Variants in LGALS8 observed in about 807,000 individuals in gnomAD.
The protein encoded by LGALS8 is galectin-8.
Under a neutral mutation model 35.9 loss-of-function variants are expected in LGALS8, and 30 were observed. The observed-to-expected ratio is 0.83, with a 90% confidence interval of 0.62 to 1.13. The LOEUF (loss-of-function observed/expected upper bound fraction) is 1.13, where lower values mean the gene tolerates loss of function less well. Among genes scored for constraint, LGALS8 ranks in the 50% most tolerant of loss-of-function variants. LGALS8 has a pLI of 0.00. For synonymous variants in LGALS8, 138 were observed against 136.1 expected (o/e 1.01, Z -0.10); for missense variants, 366 against 388.7 (o/e 0.94, Z 0.49).
chr1:236,547,849 T>G (rs1662479160), intron 9 of LGALS8, among the ~76,000 whole-genome samples, 163 bp from the exon 10 acceptor site: 1 of 136,128 alleles, frequency 7.3e-6, no homozygotes, highest in South Asian at 2.3e-4. Flanking sequence ...CCAGGGACAC[T>G]TTAGTTAGAT....
chr1:236,534,573 G>T (rs1386043998), intron 2 of LGALS8, among the ~76,000 whole-genome samples: 2 of 151,416 alleles, frequency 1.3e-5, no homozygotes, highest in African/African-American at 4.9e-5. Context: ...TGGGTTAAAT[G>T]AGTCAGCGGC....
rs369174648 is a variant in LGALS8 at position 236,540,671 on chromosome 1, T to G, written c.453T>G (p.Phe151Leu). 44 of 1,608,972 alleles carry G rather than the reference T, an allele frequency of 2.7e-5. 4 individuals carry two copies. The highest frequency in any genetic ancestry group is 1.9e-4 in the Admixed American group (11 of 59,032). The change falls in exon 5 of 10, where the codon TTT becomes TTG. Residue 151 changes from phenylalanine (F) to leucine (L), a missense_variant. Physicochemically the swap from Phe to Leu is conservative, Grantham distance 22 (BLOSUM62 0). Transcript: ENST00000366584. ...AAGTGAATATTCACTCAATTGGTTT[T>G]AGCTTCAGCTCGGTGAGTGACCTTC... ...YGKVNIHSIG[F>L]SFSSDLQSTQ... is the part of the protein sequence containing the mutation.
intron 9 of LGALS8, chr1:236,545,195 G>A (rs1238780425): frequency 1.6e-5 from 4 of 245,376 alleles, no homozygotes; most frequent in South Asian, 8.5e-5. Context: ...CAGGAAGCTT[G>A]TCTCAGGACT....
intron 2 of LGALS8, among the ~76,000 whole-genome samples, chr1:236,534,388 G>C (rs819428): frequency 0.93 from 141,882 of 152,204 alleles, 66,466 homozygotes; most frequent in East Asian, 1. Context: ...GGTGTTTTGG[G>C]AAATAACAGC....
intron 9 of LGALS8, among the ~76,000 whole-genome samples, chr1:236,547,393 C>G (rs1662435049): frequency 6.6e-6 from 1 of 152,122 alleles, no homozygotes; most frequent in African/African-American, 2.4e-5. Flanking sequence ...TACGGGATAC[C>G]CAGCTTTGAC....
Position 236,550,677 on chromosome 1 carries a change from A to G in LGALS8, c.*2516A>G, listed in dbSNP as rs1662687418. 1 of 460,376 alleles carries G rather than the reference A, an allele frequency of 2.2e-6. No homozygotes were observed. Among genetic ancestry groups the G allele is most frequent in the Admixed American group, 3.8e-5 (1 of 25,976 alleles). 28.5% of individuals were successfully genotyped at this position (460,376 alleles called of 1,614,324 possible). A position where few individuals can be genotyped will look rare whatever the true frequency, so the allele number is the denominator to read the frequency against. On this transcript the variant is annotated 3_prime_UTR_variant, in exon 10 of 10. Transcript: ENST00000366584. The stretch of plus-strand genomic sequence containing the variant: ...CAAACACAGCAGTCTGTATAAAAAT[A>G]CCGTGTATCATTTACTCTTTCTGCA...
intron 2 of LGALS8, among the ~76,000 whole-genome samples, chr1:236,531,843 G>T (rs1661167741): frequency 2.0e-5 from 3 of 152,144 alleles, no homozygotes. Flanking sequence ...AGTTGTACTT[G>T]TGCCTATGAT....
chr1:236,545,931 G>A (rs976980699), intron 9 of LGALS8, among the ~76,000 whole-genome samples: 2 of 152,152 alleles, frequency 1.3e-5, no homozygotes, highest in Admixed American at 6.5e-5. Flanking sequence ...GGCGCAAAGG[G>A]TGACTTGGGG....
At chr1:236,522,759 A>G (rs1558151975), upstream of LGALS8, among the ~76,000 whole-genome samples, 1 of 152,208 alleles carries the variant, frequency 6.6e-6, no homozygotes, top group Non-Finnish European at 1.5e-5. Flanking sequence ...GACAGCTATA[A>G]ATCCAAGGCA....
chr1:236,543,301 G>GT, intron 7 of LGALS8: 1 of 643,510 alleles, frequency 1.6e-6, no homozygotes, highest in Non-Finnish European at 2.8e-6. Context: ...CCTTCCTGGC[G>GT]TGTTTCACTC....
upstream of LGALS8, among the ~76,000 whole-genome samples, chr1:236,518,902 A>G (rs1030160575): frequency 1.3e-5 from 2 of 152,326 alleles, no homozygotes; most frequent in East Asian, 1.9e-4. Context: ...AACAATAAGC[A>G]AAATCACTGC....
intron 6 of LGALS8, chr1:236,542,479 C>CA: frequency 2.1e-6 from 1 of 486,946 alleles, no homozygotes; most frequent in Non-Finnish European, 3.7e-6. Flanking sequence ...GACCCTGTCT[C>CA]TTAAAAAAAT....
At chr1:236,522,013 G>A (rs537195288), upstream of LGALS8, among the ~76,000 whole-genome samples, 1 of 152,176 alleles carries the variant, frequency 6.6e-6, no homozygotes, top group Admixed American at 6.5e-5. Flanking sequence ...AAGGGCCCAT[G>A]AGGTCCTTTG....
Position 236,550,712 on chromosome 1 carries a change from G to A in LGALS8, c.*2551G>A, listed in dbSNP as rs964755062. 7.6e-6 allele frequency: 4 copies of A among 523,508 alleles called. No individual in the cohort carries two copies. The highest frequency in any genetic ancestry group is 1.9e-5 in the African/African-American group (1 of 51,878). 32.4% of individuals were successfully genotyped at this position (523,508 alleles called of 1,614,324 possible). ...ATTTACTCTTTCTGCAGCTCTATAC[G>A]ATAGGCAGGAGAGGCTTATGTGGCA... On this transcript the variant is annotated 3_prime_UTR_variant, in exon 10 of 10. Transcript: ENST00000366584.
At chr1:236,540,811 T>A in intron 5 of LGALS8, 128 bp downstream of exon 5, 1 of 1,001,448 alleles carries the variant, frequency 1.0e-6, no homozygotes, top group Non-Finnish European at 1.4e-6. Flanking sequence ...GTATTAATTT[T>A]TTGGAAGTGA....
At chr1:236,546,639 G>C (rs1662380840) in intron 9 of LGALS8, among the ~76,000 whole-genome samples, 1 of 152,226 alleles carries the variant, frequency 6.6e-6, no homozygotes, top group South Asian at 2.1e-4. Flanking sequence ...ATTTGCAGTA[G>C]TCTGCTCACC....
Position 236,552,116 on chromosome 1 carries a change from G to A in LGALS8, c.*3955G>A, listed in dbSNP as rs74151928. On this transcript the variant is annotated 3_prime_UTR_variant, in exon 10 of 10. Coordinates refer to ENST00000366584, the MANE Select transcript of LGALS8 (RefSeq NM_201544.4). ...AAAGCAGCAAATCGAACCTGAAAGG[G>A]ATAAAAGAGCAAAGAAATAAAAAGT... 387 of 1,557,990 alleles carry A rather than the reference G, an allele frequency of 2.5e-4. 1 individual carries two copies. The African/African-American group carries it at 4.8e-3, about 19-fold the overall frequency.
At chr1:236,529,733 T>G (rs1259482778) in intron 2 of LGALS8, among the ~76,000 whole-genome samples, 1 of 150,482 alleles carries the variant, frequency 6.6e-6, no homozygotes, top group East Asian at 2.0e-4. Context: ...ACTGCCACCT[T>G]TGCCTCCTGG....
At chr1:236,547,913 T>C (rs1374697928) in intron 9 of LGALS8, 99 bp from the exon 10 acceptor site, 4 of 1,049,728 alleles carry the variant, frequency 3.8e-6, no homozygotes, top group East Asian at 4.8e-5. Context: ...AACTTTTCTA[T>C]GTATAATCAA....
Sources: gnomAD v4.1 joint callset for allele counts (sites outside exome capture counted in the v4.1 genomes callset) on GRCh38, gnomAD v4.1.1 for gene constraint, MANE v1.5 for transcripts, NCBI Gene and HGNC (gene_info 2026-07-23, HGNC 2026-07-21) for gene names.